Variants in THSD7A observed in about 807,000 individuals in gnomAD.
The protein encoded by THSD7A is thrombospondin type 1 domain containing 7A.
In THSD7A, 96 loss-of-function variants were observed where a neutral mutation model predicts 231.3. The observed-to-expected ratio is 0.41, with a 90% CI of 0.35 to 0.49. THSD7A has a LOEUF of 0.49. THSD7A is among the 20% of genes least tolerant of loss of function. The pLI, the probability that THSD7A is intolerant of heterozygous loss-of-function variation, is 0.05. For synonymous variants in THSD7A, 940 were observed against 743.3 expected, an observed-to-expected ratio of 1.26 and a Z score of -4.30; for missense variants, 2,290 against 2,070.2, an observed-to-expected ratio of 1.11 and a Z score of -2.06.
At chr7:11,667,440 A>G (rs1783185157) in intron 1 of THSD7A, among the ~76,000 whole-genome samples, 1 of 152,056 alleles carries the variant, frequency 6.6e-6, no homozygotes, top group African/African-American at 2.4e-5. Flanking sequence ...TAAACTCCCC[A>G]TTTATTTCAT....
chr7:11,762,204 A>T lies in THSD7A; in HGVS notation c.190+69553T>A, dbSNP rs544617452. Among the ~76,000 whole-genome samples, 6 of 152,298 alleles carry T rather than the reference A, an allele frequency of 3.9e-5. No homozygotes were observed. The South Asian group carries it at 1.2e-3, about 32-fold the overall frequency. The stretch of plus-strand genomic sequence containing the variant: ...GATTGTAAATAGTGCTGTGATAAAC[A>T]TACAAGTACATGTGTCTTTTTGATA... On this transcript the variant is annotated intron_variant, in intron 1 of 27. Transcript: ENST00000423059.
intron 1 of THSD7A, among the ~76,000 whole-genome samples, chr7:11,821,832 T>C (rs1784884321): frequency 1.3e-5 from 2 of 152,184 alleles, no homozygotes; most frequent in Middle Eastern, 6.3e-3. Context: ...ATAGCATAAC[T>C]TTGATATAAT....
At chr7:11,441,184 A>G (rs533446219) in intron 13 of THSD7A, among the ~76,000 whole-genome samples, 9 of 152,194 alleles carry the variant, frequency 5.9e-5, no homozygotes, top group Non-Finnish European at 1.2e-4. Flanking sequence ...AAATAGTCTA[A>G]GATATCCTCA....
At chr7:11,538,336 T>C (rs574835450) in intron 6 of THSD7A, among the ~76,000 whole-genome samples, 17 of 152,272 alleles carry the variant, frequency 1.1e-4, no homozygotes, top group African/African-American at 3.4e-4. Flanking sequence ...TAAGGAAATA[T>C]AGACAGCATC....
At chr7:11,752,963 T>G (rs1351701871) in intron 1 of THSD7A, among the ~76,000 whole-genome samples, 1 of 151,510 alleles carries the variant, frequency 6.6e-6, no homozygotes, top group Non-Finnish European at 1.5e-5. Flanking sequence ...AATCAATCAT[T>G]TCTAAAAATA....
rs557170869 is a variant in THSD7A at position 11,766,861 on chromosome 7, A to G, written c.190+64896T>C. 1.1e-4 allele frequency among the ~76,000 whole-genome samples: 17 copies of G among 152,302 alleles called. No homozygotes were observed. In the South Asian group the frequency reaches 2.7e-3, roughly 24 times the overall value. Reference sequence around the variant, plus strand: ...GAACAACCACAAAGCTAAAAAGGACATTTTGAAGAAAATCTGGGAAATTTG... The same window carrying G: ...GAACAACCACAAAGCTAAAAAGGACGTTTTGAAGAAAATCTGGGAAATTTG... On this transcript the variant is annotated intron_variant, in intron 1 of 27. Transcript: ENST00000423059.
intron 13 of THSD7A, among the ~76,000 whole-genome samples, chr7:11,434,255 G>T (rs185168490): frequency 6.6e-6 from 1 of 152,058 alleles, no homozygotes; most frequent in East Asian, 1.9e-4. Flanking sequence ...TAAAATAAAT[G>T]ACTTCACAAT....
intron 16 of THSD7A, among the ~76,000 whole-genome samples, chr7:11,423,605 G>A (rs1473914307): frequency 6.6e-6 from 1 of 151,926 alleles, no homozygotes; most frequent in Non-Finnish European, 1.5e-5. Context: ...TCCTGACCTC[G>A]TGATCCACCC....
Position 11,508,047 on chromosome 7 carries a change from A to AG in THSD7A, c.1823-26066dup, listed in dbSNP as rs747078091. On this transcript the variant is annotated intron_variant, in intron 6 of 27. Coordinates refer to ENST00000423059, the MANE Select transcript of THSD7A (RefSeq NM_015204.3). ...TGGTGGCAGGAGAGAGAGAGAGAGC[A>AG]GGAAAAACTGCCATTTATAAAACCA... 6.6e-5 allele frequency among the ~76,000 whole-genome samples: 10 copies of AG among 152,116 alleles called. No individual in the cohort carries two copies. The East Asian group carries it at 1.5e-3, about 24-fold the overall frequency.
rs116556355 is a variant in THSD7A at position 11,655,724 on chromosome 7, T to G, written c.191-18763A>C. 6.0e-3 allele frequency among the ~76,000 whole-genome samples: 905 copies of G among 152,014 alleles called. 4 individuals are homozygous for G. Among genetic ancestry groups the G allele is most frequent in the African/African-American group, 0.021 (865 of 41,526 alleles). Reference sequence around the variant, plus strand: ...GAAATAAAAAAGACAAATGACCTCATATCCATTTCAATATGGTAAGTCTCA... The same window carrying G: ...GAAATAAAAAAGACAAATGACCTCAGATCCATTTCAATATGGTAAGTCTCA... On this transcript the variant is annotated intron_variant, in intron 1 of 27. Coordinates refer to ENST00000423059, the MANE Select transcript of THSD7A (RefSeq NM_015204.3).
intron 23 of THSD7A, among the ~76,000 whole-genome samples, chr7:11,393,041 A>C (rs972119393): frequency 2.6e-5 from 4 of 152,204 alleles, no homozygotes; most frequent in African/African-American, 7.2e-5. Flanking sequence ...ACCTCTGCTA[A>C]GGGTCATACT....
intron 4 of THSD7A, among the ~76,000 whole-genome samples, chr7:11,550,935 C>G (rs189315364): frequency 6.6e-6 from 1 of 152,018 alleles, no homozygotes; most frequent in Non-Finnish European, 1.5e-5. Context: ...TCACACTCCC[C>G]ACTTCAAACT....
chr7:11,577,592 C>G (rs887554921), intron 4 of THSD7A, among the ~76,000 whole-genome samples: 2 of 151,420 alleles, frequency 1.3e-5, no homozygotes, highest in Non-Finnish European at 2.9e-5. Context: ...CCTGGGGTTA[C>G]AGGTGTGAGC....
At chr7:11,705,302 T>C in intron 1 of THSD7A, among the ~76,000 whole-genome samples, 1 of 151,002 alleles carries the variant, frequency 6.6e-6, no homozygotes, top group Non-Finnish European at 1.5e-5. Context: ...AAGAGTAAGT[T>C]ACCTAGGTAA....
intron 2 of THSD7A, among the ~76,000 whole-genome samples, chr7:11,610,568 T>C (rs1455044401): frequency 1.3e-5 from 2 of 152,084 alleles, no homozygotes; most frequent in African/African-American, 4.8e-5. Flanking sequence ...ATATGTAGAA[T>C]GTAGGATGAA....
intron 4 of THSD7A, among the ~76,000 whole-genome samples, chr7:11,580,728 T>C (rs948869489): frequency 1.3e-5 from 2 of 151,754 alleles, no homozygotes; most frequent in African/African-American, 4.8e-5. Flanking sequence ...ACTGGGGTGT[T>C]TTGGAAGATG....
intron 6 of THSD7A, among the ~76,000 whole-genome samples, chr7:11,527,792 G>C (rs1788540363): frequency 6.6e-6 from 1 of 152,056 alleles, no homozygotes; most frequent in Non-Finnish European, 1.5e-5. Context: ...ATATCACTTA[G>C]ACCTCTTTTG....
At chr7:11,779,530 C>G (rs1396029896) in intron 1 of THSD7A, among the ~76,000 whole-genome samples, 1 of 152,174 alleles carries the variant, frequency 6.6e-6, no homozygotes, top group Non-Finnish European at 1.5e-5. Context: ...CTGTCTTACT[C>G]AAGGGCATGT....
intron 1 of THSD7A, among the ~76,000 whole-genome samples, chr7:11,711,527 A>G (rs1295095925): frequency 1.3e-5 from 2 of 151,084 alleles, no homozygotes; most frequent in Non-Finnish European, 3.0e-5. Context: ...TGTATTTAAC[A>G]TCCTCAATTT....
Sources: allele counts gnomAD v4.1 joint callset (sites outside exome capture counted in the v4.1 genomes callset), GRCh38; gene constraint gnomAD v4.1.1; transcripts MANE v1.5; gene names NCBI Gene and HGNC (gene_info 2026-07-23, HGNC 2026-07-21).